The following FAM53B variants were observed in gnomAD, a reference collection of about 807,000 sequenced individuals.
The protein encoded by FAM53B is protein FAM53B.
Under a neutral mutation model 32.7 loss-of-function variants are expected in FAM53B, and 12 were observed. That is an observed-to-expected ratio of 0.37 (90% CI 0.24 to 0.59). The LOEUF is 0.59. Ranked by LOEUF, FAM53B falls within the 20% of genes least tolerant of loss-of-function variation. The pLI is 0.72. For missense variants in FAM53B, 477 were observed against 577.7 expected, an observed-to-expected ratio of 0.83 and a Z score of 1.79; for synonymous variants, 234 against 228.7, an observed-to-expected ratio of 1.02 and a Z score of -0.21.
chr10:124,666,923 C>A (rs1202078425), intron 4 of FAM53B, among the ~76,000 whole-genome samples: 1 of 152,240 alleles, frequency 6.6e-6, no homozygotes, highest in East Asian at 1.9e-4. Flanking sequence ...GAGCACCTAG[C>A]ACCTCAGGCA....
chr10:124,671,280 C>T (rs1265513110), intron 4 of FAM53B: 1 of 437,654 alleles, frequency 2.3e-6, no homozygotes, highest in Admixed American at 2.4e-5. Context: ...CCCTGCCTCT[C>T]AGGTCTTGCC....
At chr10:124,639,231 C>T (rs746947720) in intron 4 of FAM53B, among the ~76,000 whole-genome samples, 9 of 152,106 alleles carry the variant, frequency 5.9e-5, no homozygotes, top group Non-Finnish European at 1.3e-4. Flanking sequence ...CTACCAGGAC[C>T]GGGCCAGACC....
intron 4 of FAM53B, among the ~76,000 whole-genome samples, chr10:124,647,140 G>A (rs899926281): frequency 2.0e-5 from 3 of 152,198 alleles, no homozygotes; most frequent in Non-Finnish European, 4.4e-5. Context: ...ATGTGCTGAT[G>A]GTCAGGCTGT....
At chr10:124,650,107 G>A (rs1949546922) in intron 4 of FAM53B, among the ~76,000 whole-genome samples, 1 of 152,132 alleles carries the variant, frequency 6.6e-6, no homozygotes, top group African/African-American at 2.4e-5. Flanking sequence ...TTATCGATCA[G>A]ATGACTTATC....
intron 1 of FAM53B, among the ~76,000 whole-genome samples, chr10:124,730,879 T>C (rs978271599): frequency 6.6e-6 from 1 of 152,086 alleles, no homozygotes; most frequent in Admixed American, 6.6e-5. Flanking sequence ...GGCCAGGCAA[T>C]AAATATTTTA....
At chr10:124,671,001 G>C (rs940524664) in intron 4 of FAM53B, among the ~76,000 whole-genome samples, 13 of 152,314 alleles carry the variant, frequency 8.5e-5, no homozygotes, top group Non-Finnish European at 7.3e-5. Flanking sequence ...ACGGAGCTGC[G>C]ATGCGCGCTA....
rs1949962964 is a variant in FAM53B at position 124,706,895 on chromosome 10, G to C, written c.-174-8C>G. 7.0e-7 allele frequency: 1 copy of C among 1,436,292 alleles called. No individual in the cohort carries two copies. The highest frequency in any genetic ancestry group is 9.1e-7 in the Non-Finnish European group (1 of 1,098,640). The allele number at this position is 1,436,292 out of a possible 1,614,324, so 89.0% of individuals were successfully genotyped here. ...CCAAATGTGGTCAACTCCCTGGAAA[G>C]ACAAAAGAAAAGCAAAAAGATTCAG... On this transcript the variant is annotated splice_polypyrimidine_tract_variant and splice_region_variant and intron_variant, in intron 1 of 4. Coordinates refer to ENST00000337318, the MANE Select transcript of FAM53B (RefSeq NM_014661.4).
At chr10:124,658,658 G>A (rs1254047908) in intron 4 of FAM53B, among the ~76,000 whole-genome samples, 1 of 152,202 alleles carries the variant, frequency 6.6e-6, no homozygotes, top group African/African-American at 2.4e-5. Flanking sequence ...GCATGTGGAG[G>A]AAGCTGAGAT....
intron 3 of FAM53B, among the ~76,000 whole-genome samples, chr10:124,695,323 A>G (rs576648381): frequency 6.6e-5 from 10 of 152,350 alleles, no homozygotes; most frequent in Admixed American, 5.9e-4. Context: ...ACAATGCCCA[A>G]TCATCTGAAG....
In FAM53B at chr10:124,620,813, TC is replaced by T. The variant is rs1411343316; in HGVS notation, c.*2428del. ...AGCAGAAGGGATAGCCACCATTTTC[TC>T]CCCTGACTGCTGCGTGGTGGGCACA... On this transcript the variant is annotated 3_prime_UTR_variant, in exon 5 of 5. Coordinates refer to ENST00000337318, the MANE Select transcript of FAM53B (RefSeq NM_014661.4). The T allele has an allele frequency of 2.6e-5, 4 of 152,382 alleles. No individual in the cohort carries two copies. The highest frequency in any genetic ancestry group is 5.9e-5 in the Non-Finnish European group (4 of 68,188). 9.4% of individuals were successfully genotyped at this position (152,382 alleles called of 1,614,324 possible).
chr10:124,693,736 G>A (rs529747308), intron 3 of FAM53B, among the ~76,000 whole-genome samples: 25 of 152,256 alleles, frequency 1.6e-4, no homozygotes, highest in African/African-American at 3.9e-4. Flanking sequence ...AAACCTAGCC[G>A]GGAAGATGGG....
chr10:124,699,260 C>T (rs940958033), intron 2 of FAM53B, among the ~76,000 whole-genome samples: 11 of 152,256 alleles, frequency 7.2e-5, no homozygotes, highest in African/African-American at 2.2e-4. Flanking sequence ...ACCATGGCTA[C>T]AGCCACCTGT....
chr10:124,656,720 G>T (rs1303691051), intron 4 of FAM53B, among the ~76,000 whole-genome samples: 2 of 152,162 alleles, frequency 1.3e-5, no homozygotes, highest in Non-Finnish European at 2.9e-5. Context: ...TGTTAAAGAG[G>T]AAATAGCATT....
At chr10:124,669,334 G>T (rs549763327) in intron 4 of FAM53B, among the ~76,000 whole-genome samples, 1 of 152,170 alleles carries the variant, frequency 6.6e-6, no homozygotes, top group African/African-American at 2.4e-5. Context: ...GAACCGCAGT[G>T]CCAGGCAGAA....
intron 2 of FAM53B, among the ~76,000 whole-genome samples, chr10:124,696,605 C>T (rs963214116): frequency 6.6e-6 from 1 of 152,118 alleles, no homozygotes; most frequent in Admixed American, 6.5e-5. Context: ...CCTGGGGACA[C>T]GAAGAACCTC....
intron 4 of FAM53B, among the ~76,000 whole-genome samples, chr10:124,678,692 G>C (rs1949751162): frequency 6.6e-6 from 1 of 152,178 alleles, no homozygotes; most frequent in South Asian, 2.1e-4. Context: ...CTACACCCCA[G>C]GGCACTTGCT....
chr10:124,633,622 T>C (rs1321666079), intron 4 of FAM53B, among the ~76,000 whole-genome samples: 1 of 152,108 alleles, frequency 6.6e-6, no homozygotes, highest in Non-Finnish European at 1.5e-5. Context: ...CAGAGACCAA[T>C]GAAACAGAAT....
In FAM53B at chr10:124,620,079, T is replaced by C. The variant is rs1949296860; in HGVS notation, c.*3163A>G. ...TGTGGACTTCCCCTTTATTTAAATT[T>C]TCTTTCAGTGTACAAATTCACAAAA... is the stretch of plus-strand genomic sequence containing the variant. On this transcript the variant is annotated 3_prime_UTR_variant, in exon 5 of 5. Transcript: ENST00000337318. 6.5e-6 allele frequency: 1 copy of C among 152,676 alleles called. No homozygotes were observed. Among genetic ancestry groups the C allele is most frequent in the Non-Finnish European group, 1.5e-5 (1 of 68,042 alleles). The allele number at this position is 152,676 out of a possible 1,614,324, so 9.5% of individuals were successfully genotyped here. A position where few individuals can be genotyped will look rare whatever the true frequency, so the allele number is the denominator to read the frequency against.
intron 4 of FAM53B, among the ~76,000 whole-genome samples, chr10:124,635,226 G>A (rs1949422252): frequency 6.6e-6 from 1 of 152,104 alleles, no homozygotes; most frequent in Non-Finnish European, 1.5e-5. Context: ...CTGAGTAGGT[G>A]GGAAAACAGG....
Sources: allele counts gnomAD v4.1 joint callset (sites outside exome capture counted in the v4.1 genomes callset), GRCh38; gene constraint gnomAD v4.1.1; transcripts MANE v1.5; gene names NCBI Gene and HGNC (gene_info 2026-07-23, HGNC 2026-07-21).